MIER1: variants seen among roughly 807,000 people sequenced by gnomAD.
MIER1 encodes the protein mesoderm induction early response protein 1.
In MIER1, 40 loss-of-function variants were observed where a neutral mutation model predicts 75.7. That is an observed-to-expected ratio of 0.53 (90% confidence interval 0.41 to 0.69). The LOEUF (loss-of-function observed/expected upper bound fraction) is 0.69, where lower values mean the gene tolerates loss of function less well. Among genes scored for constraint, MIER1 ranks in the 30% least tolerant of loss-of-function variants. The probability of loss-of-function intolerance (pLI) is 0.00; values close to 1 mark genes in which losing one functional copy is unlikely to be tolerated. For missense variants in MIER1, 574 were observed against 680.2 expected (o/e 0.84, Z 1.74); for synonymous variants, 213 against 223.4 (o/e 0.95, Z 0.42).
At chr1:66,983,142 T>C (rs1313746812) in intron 13 of MIER1, among the ~76,000 whole-genome samples, 1 of 152,110 alleles carries the variant, frequency 6.6e-6, no homozygotes, top group Non-Finnish European at 1.5e-5. Flanking sequence ...TTACGTACAG[T>C]CAAAACTGCC....
At position 66,985,504 on chromosome 1, in the gene MIER1, A is replaced by C; in HGVS notation, c.*604A>C. The stretch of plus-strand genomic sequence containing the variant: ...TTGTATATGTAAAATTGTTGACATC[A>C]ATGATGTCTTTCCATATTCTTATCT... On this transcript the variant is annotated 3_prime_UTR_variant, in exon 14 of 14. Transcript: ENST00000401041. 1.0e-6 allele frequency: 1 copy of C among 983,880 alleles called. No homozygotes were observed. The highest frequency in any genetic ancestry group is 4.7e-5 in the South Asian group (1 of 21,272). The allele number at this position is 983,880 out of a possible 1,614,324, so 60.9% of individuals were successfully genotyped here. A position where few individuals can be genotyped will look rare whatever the true frequency, so the allele number is the denominator to read the frequency against.
rs1317215977 is a variant in MIER1, at chr1:66,985,855, C to T, written c.*955C>T. ...TTTTTTTTAAATTTCTACTTAAGGG[C>T]AAGTAATTTGAGAATTCTGAAATTA... On this transcript the variant is annotated 3_prime_UTR_variant, in exon 14 of 14. Coordinates refer to ENST00000401041, the MANE Select transcript of MIER1 (RefSeq NM_001077700.3). The T allele has an allele frequency of 1.3e-6, 1 of 786,120 alleles. No individual in the cohort carries two copies. Among genetic ancestry groups the T allele is most frequent in the East Asian group, 1.3e-4 (1 of 7,602 alleles). The allele number at this position is 786,120 out of a possible 1,614,324, so 48.7% of individuals were successfully genotyped here. A position where few individuals can be genotyped will look rare whatever the true frequency, so the allele number is the denominator to read the frequency against.
chr1:66,936,336 C>T (rs537765265), intron 2 of MIER1, among the ~76,000 whole-genome samples: 158 of 151,848 alleles, frequency 1.0e-3, no homozygotes, highest in African/African-American at 3.6e-3. Context: ...ATTTCTGCTT[C>T]AGCCTCCCAA....
At chr1:66,968,254 T>C (rs904986613) in intron 8 of MIER1, among the ~76,000 whole-genome samples, 2 of 152,170 alleles carry the variant, frequency 1.3e-5, no homozygotes, top group Non-Finnish European at 2.9e-5. Flanking sequence ...ATTCAGACTT[T>C]TGTCAGGATA....
At chr1:66,962,346 G>T (rs1484140686) in intron 7 of MIER1, among the ~76,000 whole-genome samples, 1 of 152,052 alleles carries the variant, frequency 6.6e-6, no homozygotes, top group African/African-American at 2.4e-5. Context: ...TCTTTCATTT[G>T]GCCCCTACTG....
chr1:66,966,040 A>AT lies in MIER1; in HGVS notation c.772+2891dup, dbSNP rs1407908994. ...GCACTCTATTGTGTATAAGTACCACATTTTTTTTTTTATACTTTAAGTTCT... is the reference window on the plus strand; with the variant it reads ...GCACTCTATTGTGTATAAGTACCACATTTTTTTTTTTTATACTTTAAGTTCT... On this transcript the variant is annotated intron_variant, in intron 8 of 13. Transcript: ENST00000401041. Among the ~76,000 whole-genome samples, 682 of 146,838 alleles carry AT rather than the reference A, an allele frequency of 4.6e-3. 5 individuals carry two copies. The highest frequency in any genetic ancestry group is 0.016 in the African/African-American group (642 of 40,416).
chr1:66,983,944 T>C (rs552171288), intron 13 of MIER1, among the ~76,000 whole-genome samples: 1 of 152,322 alleles, frequency 6.6e-6, no homozygotes, highest in East Asian at 1.9e-4. Flanking sequence ...CAGGCTGGTC[T>C]TGAACTCCTG....
chr1:66,930,303 C>A (rs899705415), intron 2 of MIER1: 3 of 1,571,618 alleles, frequency 1.9e-6, no homozygotes, highest in African/African-American at 1.4e-5. Context: ...CGGCAGCGGC[C>A]GGAGTCCCGT....
intron 4 of MIER1, chr1:66,948,237 T>A (rs903363301): frequency 1.0e-4 from 95 of 937,390 alleles, no homozygotes; most frequent in Non-Finnish European, 1.2e-4. Flanking sequence ...AAATATATCA[T>A]GCATATGATT....
intron 3 of MIER1, among the ~76,000 whole-genome samples, chr1:66,944,416 G>A (rs537700155): frequency 6.7e-6 from 1 of 149,640 alleles, no homozygotes; most frequent in Admixed American, 6.6e-5. Flanking sequence ...ATTTTACATA[G>A]TCTGTAAAAT....
Position 66,986,466 on chromosome 1 carries a change from T to C in MIER1, c.*1566T>C, listed in dbSNP as rs769042364. On this transcript the variant is annotated 3_prime_UTR_variant, in exon 14 of 14. Coordinates refer to ENST00000401041, the MANE Select transcript of MIER1 (RefSeq NM_001077700.3). ...ATCAGTTCAAGAGCCAATGCCTTTT[T>C]AAAATAAAGCTTCTGTGGTCTTGTT... 1 of 1,609,476 alleles carries C rather than the reference T, an allele frequency of 6.2e-7. No homozygotes were observed. The highest frequency in any genetic ancestry group is 8.5e-7 in the Non-Finnish European group (1 of 1,175,918).
intron 12 of MIER1, among the ~76,000 whole-genome samples, chr1:66,981,233 T>C (rs537664475): frequency 6.6e-6 from 1 of 152,224 alleles, no homozygotes; most frequent in East Asian, 1.9e-4. Flanking sequence ...TCACATACAA[T>C]GAGAAAGTGA....
chr1:66,947,998 G>A, intron 4 of MIER1: 2 of 984,462 alleles, frequency 2.0e-6, no homozygotes, highest in Non-Finnish European at 2.4e-6. Flanking sequence ...TTAGTTTTTT[G>A]TTTTATTTTT....
At chr1:66,941,426 GA>G (rs1656188460) in intron 3 of MIER1, among the ~76,000 whole-genome samples, 2 of 151,522 alleles carry the variant, frequency 1.3e-5, no homozygotes, top group African/African-American at 2.4e-5. Context: ...AATTATTTCC[GA>G]TTTTTTTTTT....
chr1:66,948,553 A>G (rs1658196829), intron 4 of MIER1, among the ~76,000 whole-genome samples: 1 of 152,200 alleles, frequency 6.6e-6, no homozygotes. Context: ...TAATGTGTCA[A>G]AGGTGTATAT....
intron 4 of MIER1, among the ~76,000 whole-genome samples, chr1:66,949,457 A>T (rs1012913705): frequency 6.6e-6 from 1 of 152,200 alleles, no homozygotes; most frequent in African/African-American, 2.4e-5. Flanking sequence ...AAGTTAAAAT[A>T]GAATTATTTA....
At chr1:66,971,605 T>A (rs774749309) in intron 9 of MIER1, 50 bp from the exon 10 acceptor site, 1 of 914,674 alleles carries the variant, frequency 1.1e-6, no homozygotes, top group Non-Finnish European at 1.7e-6. Flanking sequence ...AATTGTAGCA[T>A]TGAACTGTTT....
chr1:66,931,841 A>G (rs1165240229), intron 2 of MIER1, among the ~76,000 whole-genome samples: 1 of 151,832 alleles, frequency 6.6e-6, no homozygotes, highest in East Asian at 1.9e-4. Context: ...GGATTTATAC[A>G]TTTTGTCAGT....
chr1:66,958,317 C>CTCTT, intron 5 of MIER1, 97 bp downstream of exon 5: 9 of 879,758 alleles, frequency 1.0e-5, no homozygotes, highest in Admixed American at 2.8e-5. Flanking sequence ...ATAATCTTTT[C>CTCTT]CTGATTTTAA....
Sources: gnomAD v4.1 joint callset for allele counts (sites outside exome capture counted in the v4.1 genomes callset) on GRCh38, gnomAD v4.1.1 for gene constraint, MANE v1.5 for transcripts, NCBI Gene and HGNC (gene_info 2026-07-23, HGNC 2026-07-21) for gene names.